The following KIAA0319L variants were observed in gnomAD, a reference collection of about 807,000 sequenced individuals.
The protein encoded by KIAA0319L is dyslexia-associated protein KIAA0319-like protein.
A neutral mutation model predicts 120.1 loss-of-function variants in KIAA0319L; 55 were observed. That is an observed-to-expected ratio of 0.46 (90% CI 0.37 to 0.57). The LOEUF is 0.57. KIAA0319L is among the 20% of genes least tolerant of loss of function. KIAA0319L has a pLI of 0.00. For missense variants in KIAA0319L, 1,049 were observed against 1,255.3 expected, an observed-to-expected ratio of 0.84 and a Z score of 2.48; for synonymous variants, 398 against 471.9, an observed-to-expected ratio of 0.84 and a Z score of 2.03.
At chr1:35,490,457 T>C (rs1354630237) in intron 3 of KIAA0319L, among the ~76,000 whole-genome samples, 2 of 152,186 alleles carry the variant, frequency 1.3e-5, no homozygotes, top group East Asian at 3.9e-4. Context: ...AAATTTACAA[T>C]GTCTAGCATT....
At chr1:35,494,403 C>T (rs1306763045) in intron 3 of KIAA0319L, among the ~76,000 whole-genome samples, 5 of 151,904 alleles carry the variant, frequency 3.3e-5, no homozygotes, top group South Asian at 2.1e-4. Flanking sequence ...AAGCCAAGAT[C>T]GCGCCATTGC....
intron 2 of KIAA0319L, among the ~76,000 whole-genome samples, chr1:35,541,349 C>CCT (rs1646784177): frequency 7.8e-6 from 1 of 127,514 alleles, no homozygotes; most frequent in East Asian, 2.2e-4. Flanking sequence ...TTTTTTTTTC[C>CCT]TTTTTTTTTT....
chr1:35,445,188 C>G (rs1051878543), intron 16 of KIAA0319L, among the ~76,000 whole-genome samples: 3 of 152,100 alleles, frequency 2.0e-5, no homozygotes, highest in Admixed American at 6.5e-5. Context: ...TCCCAAGGTG[C>G]CCTATAAATG....
Position 35,479,500 on chromosome 1 carries a change from T to C in KIAA0319L, c.667-288A>G, listed in dbSNP as rs531709830. On this transcript the variant is annotated intron_variant, in intron 3 of 20. Coordinates refer to ENST00000325722, the MANE Select transcript of KIAA0319L (RefSeq NM_024874.5). ...TATACTTTTACCCTGTTAACATTTC[T>C]ATTCAATCTTTCTACAAATACTTAT... is the stretch of plus-strand genomic sequence containing the variant. 6.6e-5 allele frequency among the ~76,000 whole-genome samples: 10 copies of C among 152,362 alleles called. No individual in the cohort carries two copies. In the East Asian group the frequency reaches 1.9e-3, roughly 29 times the overall value.
rs543000607 is a variant in KIAA0319L at position 35,496,797 on chromosome 1, A to T, written c.666+9815T>A. 3.7e-3 allele frequency among the ~76,000 whole-genome samples: 560 copies of T among 152,128 alleles called. 2 individuals carry two copies. Among genetic ancestry groups the T allele is most frequent in the African/African-American group, 0.013 (525 of 41,506 alleles). On this transcript the variant is annotated intron_variant, in intron 3 of 20. Transcript: ENST00000325722. Reference sequence around the variant, plus strand: ...CGTCTCTACTTTAAAAAATACAAAAATTAGCTGGGCGTGGTGGCACATGCC... The same window carrying T: ...CGTCTCTACTTTAAAAAATACAAAATTTAGCTGGGCGTGGTGGCACATGCC...
rs377299077 is a variant in KIAA0319L, at chr1:35,554,456, A to T, written c.36T>A (p.Ala12=). Residue 12 remains alanine, a synonymous_variant, in exon 2 of 21, where the codon GCT becomes GCA. Transcript: ENST00000325722. ...AATAATATCCTGATAAAATCCAGGA[A>T]GCAGGATTTGGCTTGACTCCCAGCC... The part of the protein sequence containing the change: ...EKRLGVKPNP[A]SWILSGYYWQ... The T allele has an allele frequency of 5.6e-6, 9 of 1,613,164 alleles. No homozygotes were observed. In the African/African-American group the frequency reaches 1.1e-4, roughly 19 times the overall value.
chr1:35,539,002 C>T (rs1342755382), intron 2 of KIAA0319L, among the ~76,000 whole-genome samples: 1 of 151,988 alleles, frequency 6.6e-6, no homozygotes, highest in African/African-American at 2.4e-5. Context: ...TTCTCTGCTG[C>T]TTCAAAAAAT....
intron 20 of KIAA0319L, among the ~76,000 whole-genome samples, chr1:35,435,781 A>G (rs1640738113): frequency 1.3e-5 from 2 of 152,194 alleles, no homozygotes; most frequent in South Asian, 2.1e-4. Flanking sequence ...CAGTCCCTTC[A>G]CTACTTATCC....
rs1159232421 is a variant in KIAA0319L at position 35,441,046 on chromosome 1, C to T, written c.2962+1G>A. Reference sequence around the variant, plus strand: ...GAAGCTCTGGCACCCAGGGCCCCTACCTGCTCGGGAGGTTGGCTTCAGCTC... The same window carrying T: ...GAAGCTCTGGCACCCAGGGCCCCTATCTGCTCGGGAGGTTGGCTTCAGCTC... On this transcript the variant is annotated splice_donor_variant, in intron 20 of 20. Transcript: ENST00000325722. LOFTEE classifies it high-confidence loss of function. 1 of 1,613,898 alleles carries T rather than the reference C, an allele frequency of 6.2e-7. No individual in the cohort carries two copies. The highest frequency in any genetic ancestry group is 8.5e-7 in the Non-Finnish European group (1 of 1,179,724).
At chr1:35,528,732 T>C (rs1204109658) in intron 2 of KIAA0319L, among the ~76,000 whole-genome samples, 2 of 152,334 alleles carry the variant, frequency 1.3e-5, no homozygotes, top group East Asian at 3.9e-4. Context: ...ACTATTATTG[T>C]ATTAGAGTCT....
rs1400207276 is a variant in KIAA0319L at position 35,478,184 on chromosome 1, T to G, written c.913+782A>C. On this transcript the variant is annotated intron_variant, in intron 4 of 20. Transcript: ENST00000325722. ...TGCTTGTTCTCACTTATTTGTGGAA[T>G]CTAAAAATCAAAACAACTGAACTCA... Among the ~76,000 whole-genome samples the G allele has an allele frequency of 2.7e-5, 4 of 149,974 alleles. No individual in the cohort carries two copies. In the South Asian group the frequency reaches 6.3e-4, roughly 23 times the overall value.
At chr1:35,550,005 G>A (rs1571045399) in intron 2 of KIAA0319L, among the ~76,000 whole-genome samples, 1 of 152,322 alleles carries the variant, frequency 6.6e-6, no homozygotes, top group East Asian at 1.9e-4. Flanking sequence ...GTCTCCAGAT[G>A]AGAATCCCCA....
At chr1:35,441,939 T>C (rs1260669065) in intron 19 of KIAA0319L, among the ~76,000 whole-genome samples, 1 of 152,080 alleles carries the variant, frequency 6.6e-6, no homozygotes, top group Non-Finnish European at 1.5e-5. Context: ...ACCTTACAGA[T>C]GTGATCCGGG....
chr1:35,454,485 C>T lies in KIAA0319L; in HGVS notation c.1657G>A (p.Gly553Ser), dbSNP rs372822479. ...AGCTGTAAGGTTGGTGTTCTAACAC[C>T]CTACAAATACAAATACAGAAGTGGA... is the stretch of plus-strand genomic sequence containing the variant. ...SSKGKVVEMQ[G>S]VRTPTLQLSA... The change falls in exon 11 of 21, where the codon GGT becomes AGT. Residue 553 changes from glycine to serine, a missense_variant and splice_region_variant. Gly to Ser is a moderately conservative substitution (Grantham distance 56). Transcript: ENST00000325722. 1 of 1,613,450 alleles carries T rather than the reference C, an allele frequency of 6.2e-7. No homozygotes were observed. The highest frequency in any genetic ancestry group is 8.5e-7 in the Non-Finnish European group (1 of 1,179,612).
intron 2 of KIAA0319L, among the ~76,000 whole-genome samples, chr1:35,523,758 A>G (rs1646017595): frequency 6.6e-6 from 1 of 152,222 alleles, no homozygotes; most frequent in African/African-American, 2.4e-5. Flanking sequence ...GAGAGAATGA[A>G]TGGCCATGGC....
intron 10 of KIAA0319L, 128 bp downstream of exon 10, chr1:35,455,885 A>T: frequency 1.3e-6 from 1 of 749,210 alleles, no homozygotes; most frequent in Non-Finnish European, 2.2e-6. Context: ...GGCCAAGATA[A>T]AGATTTTTGC....
At position 35,515,086 on chromosome 1, in the gene KIAA0319L, G is replaced by A. The variant is rs553669440; in HGVS notation, c.143-7951C>T. Among the ~76,000 whole-genome samples, 17 of 152,310 alleles carry A rather than the reference G, an allele frequency of 1.1e-4. No individual in the cohort carries two copies. The South Asian group carries it at 2.9e-3, about 26-fold the overall frequency. On this transcript the variant is annotated intron_variant, in intron 2 of 20. Transcript: ENST00000325722. ...CCAACACTTTGGGAGGCCGAGGCAG[G>A]TGGATCACTTGAGGTCAGGAGTTTG... is the stretch of plus-strand genomic sequence containing the variant.
At chr1:35,481,814 C>CTTTTTT (rs747721221) in intron 3 of KIAA0319L, among the ~76,000 whole-genome samples, 28 of 48,962 alleles carry the variant, frequency 5.7e-4, no homozygotes, top group Non-Finnish European at 7.0e-4. Flanking sequence ...TCTGCTGTTT[C>CTTTTTT]TTTTTTTTTT....
chr1:35,448,272 T>C lies in KIAA0319L; in HGVS notation c.2414A>G (p.Glu805Gly). 3.7e-6 allele frequency: 6 copies of C among 1,614,040 alleles called. No individual in the cohort carries two copies. The highest frequency in any genetic ancestry group is 4.2e-6 in the Non-Finnish European group (5 of 1,179,946). ...GCGGATGAACATCCCCTTCAGCCTC[T>C]CAGTTAGCTGACTGACGTTGATATC... ...ILDINVSQLTERLKGMFIRQI... is the reference protein window; with the variant it reads ...ILDINVSQLTGRLKGMFIRQI... The change falls in exon 16 of 21, where the codon GAG (glutamate) becomes GGG (glycine). Residue 805 changes from glutamate (E) to glycine (G), a missense_variant. Coordinates refer to ENST00000325722, the MANE Select transcript of KIAA0319L (RefSeq NM_024874.5).
Sources: allele counts gnomAD v4.1 joint callset (sites outside exome capture counted in the v4.1 genomes callset), GRCh38; gene constraint gnomAD v4.1.1; transcripts MANE v1.5; gene names NCBI Gene and HGNC (gene_info 2026-07-23, HGNC 2026-07-21).